POFUT1: variants seen among roughly 807,000 people sequenced by gnomAD.
POFUT1 encodes the protein GDP-fucose protein O-fucosyltransferase 1.
A neutral mutation model predicts 42.4 loss-of-function variants in POFUT1; 16 were observed. That is an observed-to-expected ratio of 0.38 (90% CI 0.26 to 0.57). The LOEUF is 0.57. Among genes scored for constraint, POFUT1 ranks in the 20% least tolerant of loss-of-function variants. The pLI is 0.71. For missense variants in POFUT1, 470 were observed against 504.6 expected (o/e 0.93, Z 0.66); for synonymous variants, 206 against 205.4 (o/e 1.00, Z -0.03).
intron 4 of POFUT1, among the ~76,000 whole-genome samples, chr20:32,218,453 C>G (rs192276602): frequency 6.6e-6 from 1 of 152,356 alleles, no homozygotes; most frequent in East Asian, 1.9e-4. Context: ...AGCACCTGTT[C>G]TTAATCACAG....
At position 32,228,416 on chromosome 20, in the gene POFUT1, G is replaced by T. The variant is rs767190251; in HGVS notation, c.696G>T (p.Arg232=). The T allele has an allele frequency of 1.7e-5, 27 of 1,614,044 alleles. No homozygotes were observed. The highest frequency in any genetic ancestry group is 2.3e-5 in the Non-Finnish European group (27 of 1,180,002). ...GEAQIHAHLV[R]PYVGIHLRIG... ...CCCAGATTCATGCCCACCTTGTCCGGCCCTATGTGGGCATTCATCTGCGCA... is the reference window on the plus strand; with the variant it reads ...CCCAGATTCATGCCCACCTTGTCCGTCCCTATGTGGGCATTCATCTGCGCA... The change falls in exon 5 of 7, where the codon CGG becomes CGT. Residue 232 remains arginine (R), a synonymous_variant. Coordinates refer to ENST00000375749, the MANE Select transcript of POFUT1 (RefSeq NM_015352.2).
chr20:32,233,571 G>C (rs1382302385), intron 6 of POFUT1, among the ~76,000 whole-genome samples: 1 of 152,196 alleles, frequency 6.6e-6, no homozygotes, highest in Admixed American at 6.5e-5. Flanking sequence ...ATCTCGAAAA[G>C]TTTCTTCTGG....
rs774279038 is a variant in POFUT1 at position 32,222,920 on chromosome 20, G to C, written c.543-5343G>C. On this transcript the variant is annotated intron_variant, in intron 4 of 6. Coordinates refer to ENST00000375749, the MANE Select transcript of POFUT1 (RefSeq NM_015352.2). ...TGGGAACCAGAATGAGACTGGAAGA[G>C]TGAGAGGGAGCCAGCCATGCAGAGA... 386 of 985,394 alleles carry C rather than the reference G, an allele frequency of 3.9e-4. 1 individual carries two copies. The highest frequency in any genetic ancestry group is 4.5e-4 in the Non-Finnish European group (376 of 829,854). The allele number at this position is 985,394 out of a possible 1,614,324, so 61.0% of individuals were successfully genotyped here.
At chr20:32,217,373 T>C in intron 4 of POFUT1, 1 of 1,101,072 alleles carries the variant, frequency 9.1e-7, no homozygotes, top group African/African-American at 1.6e-5. Context: ...ACCATGGGCT[T>C]AGAAGGCAGA....
chr20:32,233,896 G>C (rs2047455912), intron 6 of POFUT1, among the ~76,000 whole-genome samples: 1 of 152,146 alleles, frequency 6.6e-6, no homozygotes. Context: ...TTAAGAGTCT[G>C]GTCAGGCCAA....
At chr20:32,221,453 G>A (rs568976312) in intron 4 of POFUT1, among the ~76,000 whole-genome samples, 2 of 152,228 alleles carry the variant, frequency 1.3e-5, no homozygotes, top group South Asian at 4.2e-4. Flanking sequence ...GCTCACACCT[G>A]TAATCCTAAG....
At position 32,208,012 on chromosome 20, in the gene POFUT1, T is replaced by G; in HGVS notation, c.71T>G (p.Met24Arg). Residue 24 changes from methionine to arginine, a missense_variant, in exon 1 of 7, where the codon ATG becomes AGG. Met to Arg is a moderately conservative substitution (Grantham distance 91). Coordinates refer to ENST00000375749, the MANE Select transcript of POFUT1 (RefSeq NM_015352.2). Reference protein sequence around the residue: ...FLLLLLPLPGMPAGSWDPAGY... With the variant: ...FLLLLLPLPGRPAGSWDPAGY... ...CTGCTGCTTCTGCCGCTCCCGGGGA[T>G]GCCTGCGGGCTCCTGGGACCCGGCC... 1 of 1,587,542 alleles carries G rather than the reference T, an allele frequency of 6.3e-7. No homozygotes were observed.
In POFUT1 at chr20:32,217,687, G is replaced by A. The variant is rs981316378; in HGVS notation, c.542+966G>A. ...GTATCTGCCTCGTAGTGCATGAAGT[G>A]CATGTCATACACTAAGCAGCCAGCC... On this transcript the variant is annotated intron_variant, in intron 4 of 6. Transcript: ENST00000375749. 4.1e-6 allele frequency: 4 copies of A among 985,500 alleles called. No homozygotes were observed. The African/African-American group carries it at 5.2e-5, about 13-fold the overall frequency. 61.0% of individuals were successfully genotyped at this position (985,500 alleles called of 1,614,324 possible).
chr20:32,213,323 G>A (rs1437576387), intron 2 of POFUT1, among the ~76,000 whole-genome samples: 2 of 151,832 alleles, frequency 1.3e-5, no homozygotes, highest in African/African-American at 4.8e-5. Flanking sequence ...GGGCGTCGTG[G>A]CGCCCGCCTG....
intron 2 of POFUT1, among the ~76,000 whole-genome samples, chr20:32,213,700 G>C (rs1352674403): frequency 1.3e-5 from 2 of 152,070 alleles, no homozygotes; most frequent in African/African-American, 2.4e-5. Context: ...GAACCTGGGA[G>C]GGGGAGGTTG....
At chr20:32,222,525 A>G in intron 4 of POFUT1, 1 of 846,210 alleles carries the variant, frequency 1.2e-6, no homozygotes. Context: ...ACGAGGGCAC[A>G]TGGGCCATAC....
intron 4 of POFUT1, among the ~76,000 whole-genome samples, chr20:32,221,714 A>T (rs895684365): frequency 4.0e-5 from 5 of 124,864 alleles, no homozygotes; most frequent in South Asian, 4.4e-4. Flanking sequence ...AGACCATCTT[A>T]AAAAAAAAAA....
intron 4 of POFUT1, among the ~76,000 whole-genome samples, chr20:32,222,114 ATGGTGAAACCC>A (rs2047393832): frequency 1.3e-5 from 2 of 152,044 alleles, no homozygotes; most frequent in African/African-American, 4.8e-5. Context: ...CCTGGCCAAC[ATGGTGAAACCC>A]TGTCTCTACC....
Position 32,207,887 on chromosome 20 carries a change from T to C in POFUT1, c.-55T>C. 1 of 1,427,680 alleles carries C rather than the reference T, an allele frequency of 7.0e-7. No homozygotes were observed. The highest frequency in any genetic ancestry group is 9.1e-7 in the Non-Finnish European group (1 of 1,097,924). 88.4% of individuals were successfully genotyped at this position (1,427,680 alleles called of 1,614,324 possible). A position where few individuals can be genotyped will look rare whatever the true frequency, so the allele number is the denominator to read the frequency against. Reference sequence around the variant, plus strand: ...GCTGGGAGCGGGGCGGGCGCTCGCGTCCCTCCTTCCCTCCCCGACTGTGCG... The same window carrying C: ...GCTGGGAGCGGGGCGGGCGCTCGCGCCCCTCCTTCCCTCCCCGACTGTGCG... On this transcript the variant is annotated 5_prime_UTR_variant, in exon 1 of 7. Transcript: ENST00000375749.
At chr20:32,229,465 T>TAA in intron 5 of POFUT1, among the ~76,000 whole-genome samples, 1 of 152,320 alleles carries the variant, frequency 6.6e-6, no homozygotes, top group African/African-American at 2.4e-5. Flanking sequence ...AAGCATTTGA[T>TAA]AAAAGTCACC....
chr20:32,210,814 T>G (rs1173139596), intron 2 of POFUT1, among the ~76,000 whole-genome samples: 1 of 152,270 alleles, frequency 6.6e-6, no homozygotes, highest in Non-Finnish European at 1.5e-5. Flanking sequence ...TCCCGGAGCC[T>G]GGCAGTAGGA....
rs2047480761 is a variant in POFUT1 at position 32,237,946 on chromosome 20, CAT to C, written c.*3287_*3288del. The C allele has an allele frequency of 4.5e-6, 2 of 440,170 alleles. No homozygotes were observed. The highest frequency in any genetic ancestry group is 9.4e-6 in the Non-Finnish European group (2 of 212,514). The allele number at this position is 440,170 out of a possible 1,614,324, so 27.3% of individuals were successfully genotyped here. A position where few individuals can be genotyped will look rare whatever the true frequency, so the allele number is the denominator to read the frequency against. On this transcript the variant is annotated 3_prime_UTR_variant, in exon 7 of 7. Coordinates refer to ENST00000375749, the MANE Select transcript of POFUT1 (RefSeq NM_015352.2). ...TCTTTTTCAAAGATACAAATATTTA[CAT>C]AGTTTTAATCATGTAATATATACAA...
At chr20:32,208,160 C>T in intron 1 of POFUT1, 95 bp downstream of exon 1, 1 of 1,264,394 alleles carries the variant, frequency 7.9e-7, no homozygotes, top group Non-Finnish European at 1.1e-6. Context: ...CTTCACAGGT[C>T]CAGGAGAGAA....
Position 32,223,604 on chromosome 20 carries a change from G to T in POFUT1, c.543-4659G>T, listed in dbSNP as rs753025758. 6.1e-6 allele frequency: 6 copies of T among 985,288 alleles called. No homozygotes were observed. In the South Asian group the frequency reaches 1.4e-4, roughly 23 times the overall value. 61.0% of individuals were successfully genotyped at this position (985,288 alleles called of 1,614,324 possible). On this transcript the variant is annotated intron_variant, in intron 4 of 6. Coordinates refer to ENST00000375749, the MANE Select transcript of POFUT1 (RefSeq NM_015352.2). Reference sequence around the variant, plus strand: ...AATCCTTTTGAGGTAGCATCTGAAAGATTAGCTGAAGACCTGGCCTATAGT... The same window carrying T: ...AATCCTTTTGAGGTAGCATCTGAAATATTAGCTGAAGACCTGGCCTATAGT...
Sources: gnomAD v4.1 joint callset for allele counts (sites outside exome capture counted in the v4.1 genomes callset) on GRCh38, gnomAD v4.1.1 for gene constraint, MANE v1.5 for transcripts, NCBI Gene and HGNC (gene_info 2026-07-23, HGNC 2026-07-21) for gene names.